Variants in DSC1 observed in about 807,000 individuals in gnomAD.
The protein encoded by DSC1 is desmocollin 1, also known as desmocollin-1.
A neutral mutation model predicts 98.8 loss-of-function variants in DSC1; 79 were observed. That is an observed-to-expected ratio of 0.80 (90% CI 0.67 to 0.96). The LOEUF (loss-of-function observed/expected upper bound fraction) is 0.96. DSC1 is among the 50% of genes least tolerant of loss of function. The pLI, the probability that DSC1 is intolerant of heterozygous loss-of-function variation, is 0.00. For synonymous variants in DSC1, 405 were observed against 372.1 expected (o/e 1.09, Z -1.02); for missense variants, 1,115 against 1,075.9 (o/e 1.04, Z -0.51).
intron 1 of DSC1, among the ~76,000 whole-genome samples, chr18:31,162,018 T>G (rs1250607868): frequency 6.6e-6 from 1 of 152,170 alleles, no homozygotes; most frequent in East Asian, 1.9e-4. Flanking sequence ...TTGAGGATAT[T>G]TTCAATGACA....
chr18:31,134,524 A>C (rs773208133), intron 12 of DSC1, 48 bp downstream of exon 12: 1 of 1,401,480 alleles, frequency 7.1e-7, no homozygotes, highest in Non-Finnish European at 9.8e-7. Flanking sequence ...AAGAACCATC[A>C]CCAATCTGAA....
At chr18:31,149,924 G>A (rs958983281) in intron 5 of DSC1, among the ~76,000 whole-genome samples, 4 of 152,008 alleles carry the variant, frequency 2.6e-5, no homozygotes, top group East Asian at 3.8e-4. Context: ...GCTTCCATCA[G>A]TCTGATCTCT....
intron 8 of DSC1, among the ~76,000 whole-genome samples, chr18:31,143,389 AATAAAAT>A (rs1415685960): frequency 1.5e-4 from 23 of 151,684 alleles, no homozygotes; most frequent in Non-Finnish European, 2.5e-4. Context: ...AATAAAATAA[AATAAAAT>A]AAAAGTTTAA....
intron 3 of DSC1, among the ~76,000 whole-genome samples, chr18:31,156,876 T>G (rs958227485): frequency 1.3e-5 from 2 of 152,204 alleles, no homozygotes; most frequent in African/African-American, 4.8e-5. Flanking sequence ...TTCTGTGGAT[T>G]GGCCACACCT....
chr18:31,147,217 G>T (rs1317941409), intron 6 of DSC1, among the ~76,000 whole-genome samples: 1 of 151,888 alleles, frequency 6.6e-6, no homozygotes, highest in Non-Finnish European at 1.5e-5. Context: ...TTATTTATCA[G>T]ATCGATATTT....
chr18:31,134,084 A>G lies in DSC1; in HGVS notation c.1923T>C (p.Tyr641=), dbSNP rs1489104044. ...LRQRQNLDYN[Y]YSVPIQIKDR... Reference sequence around the variant, plus strand: ...CTTTTATTTGAATAGGCACAGAATAATAGTTATAATCAAGATTTTGCCGTT... The same window carrying G: ...CTTTTATTTGAATAGGCACAGAATAGTAGTTATAATCAAGATTTTGCCGTT... Residue 641 remains tyrosine (Y), a synonymous_variant, in exon 13 of 16, where the codon TAT becomes TAC. Coordinates refer to ENST00000257198, the MANE Select transcript of DSC1 (RefSeq NM_024421.2). The G allele has an allele frequency of 1.9e-6, 3 of 1,609,668 alleles. No individual in the cohort carries two copies. Among genetic ancestry groups the G allele is most frequent in the Non-Finnish European group, 1.7e-6 (2 of 1,179,494 alleles).
intron 6 of DSC1, among the ~76,000 whole-genome samples, chr18:31,146,603 A>T (rs1680083936): frequency 6.6e-6 from 1 of 152,168 alleles, no homozygotes; most frequent in South Asian, 2.1e-4. Context: ...GTATATACCT[A>T]GTAATGGCAT....
intron 5 of DSC1, among the ~76,000 whole-genome samples, chr18:31,154,350 C>A (rs1410447568): frequency 1.3e-5 from 2 of 151,000 alleles, no homozygotes; most frequent in East Asian, 3.9e-4. Flanking sequence ...CGTTGGATGA[C>A]TGGATCTCAT....
chr18:31,134,189 C>T, intron 12 of DSC1, 59 bp from the exon 13 acceptor site: 1 of 1,553,358 alleles, frequency 6.4e-7, no homozygotes, highest in Non-Finnish European at 8.7e-7. Flanking sequence ...AGTATTATTC[C>T]TACTCAATAT....
In DSC1 at chr18:31,141,505, A is replaced by G. The variant is rs2028158; in HGVS notation, c.1260+494T>C. ...CAATTAAATTTAAAAAATCCAAAGC[A>G]ATGGCTACCTGGAATATAGGGGGAT... is the stretch of plus-strand genomic sequence containing the variant. On this transcript the variant is annotated intron_variant, in intron 9 of 15. Transcript: ENST00000257198. Among the ~76,000 whole-genome samples the G allele has an allele frequency of 9.6e-3, 1,458 of 152,298 alleles. 23 individuals are homozygous for G. Among genetic ancestry groups the G allele is most frequent in the African/African-American group, 0.034 (1,393 of 41,578 alleles).
chr18:31,131,499 TC>T, intron 15 of DSC1, 94 bp downstream of exon 15: 1 of 1,470,054 alleles, frequency 6.8e-7, no homozygotes. Flanking sequence ...GATGTTGAAT[TC>T]CAGGTATATG....
In DSC1 at chr18:31,140,013, A is replaced by C. The variant is rs1314561802; in HGVS notation, c.1520+29T>G. 11 of 1,584,072 alleles carry C rather than the reference A, an allele frequency of 6.9e-6. No homozygotes were observed. In the South Asian group the frequency reaches 1.3e-4, roughly 18 times the overall value. On this transcript the variant is annotated intron_variant, in intron 10 of 15. Coordinates refer to ENST00000257198, the MANE Select transcript of DSC1 (RefSeq NM_024421.2). ...AAAAACAATTTACATCACAATTAAA[A>C]TTAAGGAGCTTTTTGAAAAGTACAT...
At position 31,157,552 on chromosome 18, in the gene DSC1, T is replaced by C. The variant is rs752569686; in HGVS notation, c.170A>G (p.Lys57Arg). ...ACTGGACCGGATTAGGCTGGCCGACTTGAGACACTCCTCCAGATTCACTGC... is the reference window on the plus strand; with the variant it reads ...ACTGGACCGGATTAGGCTGGCCGACCTGAGACACTCCTCCAGATTCACTGC... ...VGKVNLEECL[K>R]SASLIRSSDP... is the part of the protein sequence containing the mutation. Residue 57 changes from lysine (K) to arginine (R), a missense_variant, in exon 3 of 16, where the codon AAG becomes AGG. Lys to Arg is a conservative substitution (Grantham distance 26, BLOSUM62 2). Transcript: ENST00000257198. The C allele has an allele frequency of 2.5e-6, 4 of 1,614,202 alleles. No individual in the cohort carries two copies. The highest frequency in any genetic ancestry group is 3.4e-6 in the Non-Finnish European group (4 of 1,180,028).
At chr18:31,137,084 G>A (rs991420253) in intron 11 of DSC1, among the ~76,000 whole-genome samples, 6 of 152,096 alleles carry the variant, frequency 3.9e-5, no homozygotes, top group African/African-American at 1.4e-4. Context: ...GAAAGCAGTC[G>A]TTTTTTATTG....
chr18:31,142,982 G>A (rs1037519137), intron 8 of DSC1, among the ~76,000 whole-genome samples: 2 of 151,812 alleles, frequency 1.3e-5, no homozygotes, highest in African/African-American at 4.8e-5. Context: ...GTCTATCACT[G>A]TACTTGCAGG....
Position 31,154,808 on chromosome 18 carries a change from C to T in DSC1, c.593G>A (p.Arg198Lys), listed in dbSNP as rs1362558394. ...TTCATATTTCTCACGGTCAATGCTC[C>T]TTGTACAAAAGATATCCCCAGTGTC... is the stretch of plus-strand genomic sequence containing the variant. Reference protein sequence around the residue: ...EKDTGDIFCTRSIDREKYEQF... With the variant: ...EKDTGDIFCTKSIDREKYEQF... The change falls in exon 5 of 16, where the codon AGG becomes AAG. Residue 198 changes from arginine to lysine, a missense_variant. Coordinates refer to ENST00000257198, the MANE Select transcript of DSC1 (RefSeq NM_024421.2). 4 of 1,613,644 alleles carry T rather than the reference C, an allele frequency of 2.5e-6. No homozygotes were observed. In the Admixed American group the frequency reaches 6.7e-5, roughly 27 times the overall value.
intron 7 of DSC1, among the ~76,000 whole-genome samples, chr18:31,144,930 C>CT (rs1170980389): frequency 1.9e-4 from 24 of 124,724 alleles, no homozygotes; most frequent in African/African-American, 3.5e-4. Context: ...TCTGTATTTT[C>CT]TTTTTCTTTC....
chr18:31,133,868 A>T, intron 13 of DSC1, 23 bp downstream of exon 13: 1 of 1,579,246 alleles, frequency 6.3e-7, no homozygotes, highest in Non-Finnish European at 8.6e-7. Flanking sequence ...CACATTCTAG[A>T]TAATGATACT....
chr18:31,137,022 A>G (rs2144921177), intron 11 of DSC1, among the ~76,000 whole-genome samples: 1 of 152,322 alleles, frequency 6.6e-6, no homozygotes, highest in Admixed American at 6.5e-5. Flanking sequence ...AGAGCTAGAA[A>G]GTACATCTTG....
Sources: allele counts gnomAD v4.1 joint callset (sites outside exome capture counted in the v4.1 genomes callset), GRCh38; gene constraint gnomAD v4.1.1; transcripts MANE v1.5; gene names NCBI Gene and HGNC (gene_info 2026-07-23, HGNC 2026-07-21).